LPXN: variants seen among roughly 807,000 people sequenced by gnomAD.
The protein encoded by LPXN is leupaxin.
A neutral mutation model predicts 45.6 loss-of-function variants in LPXN; 28 were observed. The ratio of observed to expected loss-of-function variants is 0.61; its 90% CI spans 0.45 to 0.84. The LOEUF is 0.84. Ranked by LOEUF, LPXN falls within the 40% of genes least tolerant of loss-of-function variation. The pLI, the probability that LPXN is intolerant of heterozygous loss-of-function variation, is 0.00. For missense variants in LPXN, 459 were observed against 475.0 expected (o/e 0.97, Z 0.31); for synonymous variants, 166 against 169.9 (o/e 0.98, Z 0.18).
intron 2 of LPXN, among the ~76,000 whole-genome samples, chr11:58,564,635 G>C (rs560222883): frequency 9.9e-5 from 15 of 152,266 alleles, no homozygotes; most frequent in African/African-American, 3.4e-4. Flanking sequence ...TTTATTAATT[G>C]AACAAATATG....
chr11:58,532,686 G>A (rs1290665847), intron 7 of LPXN, among the ~76,000 whole-genome samples: 1 of 152,184 alleles, frequency 6.6e-6, no homozygotes, highest in Non-Finnish European at 1.5e-5. Flanking sequence ...TGTCAAGACA[G>A]ACCAAACAGC....
rs965081535 is a variant in LPXN, at chr11:58,527,534, G to C, written c.1081C>G (p.Gln361Glu). ...EHFVCAFCLT[Q>E]LSKGIFREQN... is the part of the protein sequence containing the mutation. Reference sequence around the variant, plus strand: ...TCCCTGAAAATGCCCTTCGACAACTGTGTCAGGCAGAAAGCACACACAAAG... The same window carrying C: ...TCCCTGAAAATGCCCTTCGACAACTCTGTCAGGCAGAAAGCACACACAAAG... The change falls in exon 9 of 9, where the codon CAG becomes GAG. Residue 361 changes from glutamine to glutamate, a missense_variant. Transcript: ENST00000395074. The C allele has an allele frequency of 3.7e-6, 6 of 1,614,042 alleles. No homozygotes were observed. The highest frequency in any genetic ancestry group is 3.3e-4 in the Middle Eastern group (2 of 6,084).
At chr11:58,575,873 G>A (rs1299081172), upstream of LPXN, 242 of 1,611,496 alleles carry the variant, frequency 1.5e-4, no homozygotes, top group Non-Finnish European at 2.0e-4. Flanking sequence ...GACAGCATAA[G>A]GCAGCCTCTA....
In LPXN at chr11:58,572,555, A is replaced by G. The variant is rs1455608698; in HGVS notation, c.14-1842T>C. ...ATCAAGACTATTGAACACTGACTGG[A>G]TATTAAATAATATCAAGTAAGTACT... On this transcript the variant is annotated intron_variant, in intron 1 of 8. Transcript: ENST00000395074. 3.9e-5 allele frequency among the ~76,000 whole-genome samples: 6 copies of G among 152,310 alleles called. No individual in the cohort carries two copies. In the South Asian group the frequency reaches 1.0e-3, roughly 26 times the overall value.
At chr11:58,542,711 T>G (rs1356567533) in intron 7 of LPXN, among the ~76,000 whole-genome samples, 1 of 152,090 alleles carries the variant, frequency 6.6e-6, no homozygotes, top group African/African-American at 2.4e-5. Context: ...TTGATAATGT[T>G]AAAATTATTA....
upstream of LPXN, among the ~76,000 whole-genome samples, chr11:58,576,721 C>T (rs1854903706): frequency 6.6e-6 from 1 of 152,156 alleles, no homozygotes; most frequent in Admixed American, 6.5e-5. Flanking sequence ...TAATTGGTAG[C>T]TTTGCTACTT....
intron 7 of LPXN, among the ~76,000 whole-genome samples, chr11:58,546,144 G>A (rs544754025): frequency 6.6e-6 from 1 of 152,118 alleles, no homozygotes; most frequent in Non-Finnish European, 1.5e-5. Flanking sequence ...ATTTAAAGTA[G>A]ATTTTAAGAG....
intron 1 of LPXN, among the ~76,000 whole-genome samples, chr11:58,572,869 T>G (rs1349663914): frequency 6.6e-6 from 1 of 152,218 alleles, no homozygotes; most frequent in Non-Finnish European, 1.5e-5. Flanking sequence ...TTCAACTGGT[T>G]GATGGGTATA....
At chr11:58,556,632 G>A (rs993915802) in intron 3 of LPXN, among the ~76,000 whole-genome samples, 1 of 151,990 alleles carries the variant, frequency 6.6e-6, no homozygotes, top group African/African-American at 2.4e-5. Context: ...ATAAATGACT[G>A]AACAACCATT....
chr11:58,570,016 G>C (rs572249715), intron 2 of LPXN, among the ~76,000 whole-genome samples: 7 of 152,126 alleles, frequency 4.6e-5, no homozygotes, highest in Non-Finnish European at 8.8e-5. Flanking sequence ...AAAAAATGTA[G>C]TTCTCGGCTG....
intron 7 of LPXN, among the ~76,000 whole-genome samples, chr11:58,539,002 A>AAAC (rs10683588): frequency 0.98 from 148,966 of 151,946 alleles, 73,031 homozygotes; most frequent in South Asian, 0.99. Flanking sequence ...TCTTTAAAAA[A>AAAC]AACAACAACA....
intron 7 of LPXN, among the ~76,000 whole-genome samples, chr11:58,529,463 A>G (rs1853320283): frequency 1.3e-5 from 2 of 152,014 alleles, no homozygotes; most frequent in Non-Finnish European, 2.9e-5. Flanking sequence ...ACAAAAAATT[A>G]GCCAGGTGTG....
chr11:58,538,860 A>G (rs1443792249), intron 7 of LPXN, among the ~76,000 whole-genome samples: 5 of 152,154 alleles, frequency 3.3e-5, no homozygotes, highest in Non-Finnish European at 7.3e-5. Context: ...AATAAAGCAA[A>G]TAATTATATT....
At chr11:58,546,791 G>A (rs1483222387) in intron 7 of LPXN, among the ~76,000 whole-genome samples, 2 of 152,178 alleles carry the variant, frequency 1.3e-5, no homozygotes, top group African/African-American at 4.8e-5. Flanking sequence ...GCACCAAGAT[G>A]TAATATATAT....
intron 4 of LPXN, among the ~76,000 whole-genome samples, chr11:58,554,522 CAT>C (rs978206260): frequency 7.2e-5 from 11 of 152,166 alleles, no homozygotes; most frequent in South Asian, 2.1e-4. Context: ...GTTTGCTCCA[CAT>C]ATGTTTGCAA....
At chr11:58,532,082 T>C (rs563040519) in intron 7 of LPXN, among the ~76,000 whole-genome samples, 1 of 152,362 alleles carries the variant, frequency 6.6e-6, no homozygotes, top group East Asian at 1.9e-4. Flanking sequence ...GTGAGAGGAT[T>C]AGCAACTGAG....
At chr11:58,536,634 G>C (rs776317518) in intron 7 of LPXN, among the ~76,000 whole-genome samples, 35 of 152,108 alleles carry the variant, frequency 2.3e-4, no homozygotes, top group Non-Finnish European at 4.3e-4. Context: ...AAAAGCAATG[G>C]CTACAAAAGC....
rs180902766 is a variant in LPXN at position 58,551,911 on chromosome 11, G to A, written c.319-679C>T. Among the ~76,000 whole-genome samples, 1,499 of 152,278 alleles carry A rather than the reference G, an allele frequency of 9.8e-3. 10 individuals are homozygous for A. Among genetic ancestry groups the A allele is most frequent in the Non-Finnish European group, 0.016 (1,079 of 68,022 alleles). On this transcript the variant is annotated intron_variant, in intron 4 of 8. Transcript: ENST00000395074. ...TTCTAGGGGAAGGGAAGGCCCCGAG[G>A]AATAAAACAACTTGGCACATTAGAA... is the stretch of plus-strand genomic sequence containing the variant.
At chr11:58,559,480 G>C (rs937346589) in intron 3 of LPXN, among the ~76,000 whole-genome samples, 3 of 152,120 alleles carry the variant, frequency 2.0e-5, no homozygotes, top group African/African-American at 4.8e-5. Context: ...CCATGCTATA[G>C]AATAACATGC....
Sources: gnomAD v4.1 joint callset for allele counts (sites outside exome capture counted in the v4.1 genomes callset) on GRCh38, gnomAD v4.1.1 for gene constraint, MANE v1.5 for transcripts, NCBI Gene and HGNC (gene_info 2026-07-23, HGNC 2026-07-21) for gene names.